Variants in TPST1 observed in about 807,000 individuals in gnomAD.
The protein encoded by TPST1 is protein-tyrosine sulfotransferase 1.
TPST1 carries 20 observed loss-of-function variants against 34.8 expected under a neutral mutation model. That is an observed-to-expected ratio of 0.57 (90% CI 0.40 to 0.84). The LOEUF is 0.84. TPST1 is among the 40% of genes least tolerant of loss of function. The pLI is 0.00. For missense variants in TPST1, 353 were observed against 455.5 expected, an observed-to-expected ratio of 0.78 and a Z score of 2.05; for synonymous variants, 152 against 159.4, an observed-to-expected ratio of 0.95 and a Z score of 0.35.
At chr7:66,215,323 G>A (rs4718325) in intron 1 of TPST1, among the ~76,000 whole-genome samples, 30,827 of 149,932 alleles carry the variant, frequency 0.21, 3,679 homozygotes, top group East Asian at 0.36. Context: ...CTCCCAAAGT[G>A]TTAGGATTAC....
intron 3 of TPST1, among the ~76,000 whole-genome samples, chr7:66,297,575 A>C (rs533909863): frequency 2.8e-4 from 42 of 152,328 alleles, no homozygotes; most frequent in African/African-American, 1.0e-3. Flanking sequence ...TATGAATGGA[A>C]TATTTAGTTG....
intron 1 of TPST1, among the ~76,000 whole-genome samples, chr7:66,206,915 G>T (rs893868162): frequency 2.6e-5 from 4 of 151,894 alleles, no homozygotes; most frequent in Non-Finnish European, 5.9e-5. Context: ...AGTGAGAGAG[G>T]AATTATCCAC....
intron 2 of TPST1, among the ~76,000 whole-genome samples, chr7:66,256,023 A>G (rs1396839696): frequency 6.6e-6 from 1 of 152,146 alleles, no homozygotes; most frequent in Non-Finnish European, 1.5e-5. Flanking sequence ...GTATTCATTA[A>G]TGATATTTTT....
chr7:66,313,307 C>A (rs1193592334), intron 3 of TPST1, among the ~76,000 whole-genome samples: 3 of 151,886 alleles, frequency 2.0e-5, no homozygotes, highest in Admixed American at 6.6e-5. Context: ...CCCAGCTACT[C>A]GGGAGGCTGA....
chr7:66,353,749 T>C (rs564308027), intron 4 of TPST1, among the ~76,000 whole-genome samples: 167 of 152,318 alleles, frequency 1.1e-3, no homozygotes, highest in African/African-American at 3.6e-3. Context: ...AGCTTGTCAA[T>C]AGGAAGAGGA....
At chr7:66,253,524 A>C (rs1353076094) in intron 2 of TPST1, among the ~76,000 whole-genome samples, 1 of 151,642 alleles carries the variant, frequency 6.6e-6, no homozygotes, top group Admixed American at 6.6e-5. Context: ...GGCGTGTGCC[A>C]CCATGCCTGG....
chr7:66,315,106 G>A (rs189677351), intron 3 of TPST1, among the ~76,000 whole-genome samples: 240 of 152,300 alleles, frequency 1.6e-3, no homozygotes, highest in African/African-American at 5.5e-3. Context: ...TATCTGTTAT[G>A]ATAATGAAAA....
intron 5 of TPST1, among the ~76,000 whole-genome samples, chr7:66,357,953 A>G (rs566650815): frequency 2.6e-5 from 4 of 152,274 alleles, no homozygotes; most frequent in Admixed American, 6.5e-5. Context: ...GTGTGGTGGC[A>G]GGGACCTGTA....
intron 3 of TPST1, among the ~76,000 whole-genome samples, chr7:66,294,370 A>T (rs1791148946): frequency 7.1e-6 from 1 of 141,158 alleles, no homozygotes; most frequent in South Asian, 2.1e-4. Flanking sequence ...ACAACCATAT[A>T]ACCGTATCAT....
the TPST1 span, among the ~76,000 whole-genome samples, chr7:66,200,249 C>G: frequency 6.6e-6 from 1 of 152,044 alleles, no homozygotes; most frequent in East Asian, 1.9e-4. Flanking sequence ...CAAAGGCTGA[C>G]CTAGAGGAGA....
chr7:66,198,887 C>T, the TPST1 span, among the ~76,000 whole-genome samples: 1 of 152,180 alleles, frequency 6.6e-6, no homozygotes, highest in Non-Finnish European at 1.5e-5. Flanking sequence ...CCTTAAATCC[C>T]TGTATCCCAG....
At chr7:66,279,474 G>T (rs1790889514) in intron 2 of TPST1, among the ~76,000 whole-genome samples, 1 of 152,170 alleles carries the variant, frequency 6.6e-6, no homozygotes, top group Admixed American at 6.5e-5. Flanking sequence ...TCTAATGGTA[G>T]TTCTGAGTTC....
chr7:66,264,895 T>TAAACA (rs928845652), intron 2 of TPST1, among the ~76,000 whole-genome samples: 9 of 152,000 alleles, frequency 5.9e-5, no homozygotes, highest in East Asian at 3.9e-4. Context: ...AACCATATCT[T>TAAACA]AAACAAAACA....
At chr7:66,300,574 A>C (rs1012919446) in intron 3 of TPST1, among the ~76,000 whole-genome samples, 2 of 152,214 alleles carry the variant, frequency 1.3e-5, no homozygotes, top group African/African-American at 4.8e-5. Context: ...GAAGGTTTGC[A>C]GTTGACTTTG....
intron 3 of TPST1, among the ~76,000 whole-genome samples, chr7:66,333,766 C>A (rs751477996): frequency 6.6e-5 from 10 of 152,146 alleles, no homozygotes; most frequent in Non-Finnish European, 1.5e-4. Flanking sequence ...AGCCACAAGT[C>A]CCCTGGACCT....
upstream of TPST1, among the ~76,000 whole-genome samples, chr7:66,201,988 G>T (rs1421699963): frequency 6.6e-6 from 1 of 151,842 alleles, no homozygotes; most frequent in East Asian, 1.9e-4. Context: ...CCCTCCCAGA[G>T]ACAACACTGT....
At chr7:66,331,242 C>CT (rs1271634036) in intron 3 of TPST1, among the ~76,000 whole-genome samples, 3 of 152,164 alleles carry the variant, frequency 2.0e-5, no homozygotes, top group Non-Finnish European at 4.4e-5. Flanking sequence ...AGATAACAGA[C>CT]TTTTTGTAAC....
At chr7:66,236,946 C>T (rs536177977) in intron 1 of TPST1, among the ~76,000 whole-genome samples, 1 of 152,332 alleles carries the variant, frequency 6.6e-6, no homozygotes, top group East Asian at 1.9e-4. Flanking sequence ...CATTTGTCCT[C>T]TGCCAGTAGA....
rs3060053 is a variant in TPST1 at position 66,327,740 on chromosome 7, C to CGTGT, written c.1045-24754_1045-24751dup. Among the ~76,000 whole-genome samples the CGTGT allele has an allele frequency of 6.3e-3, 933 of 147,398 alleles. 8 individuals are homozygous for CGTGT. The highest frequency in any genetic ancestry group is 0.02 in the African/African-American group (785 of 40,054). On this transcript the variant is annotated intron_variant, in intron 3 of 5. Transcript: ENST00000304842. ...CCTGTCTTAAAAAAAAAAAAAAGTG[C>CGTGT]GTGTGTGTGTGTGTATGTACGTTGA...
Sources: gnomAD v4.1 joint callset for allele counts (sites outside exome capture counted in the v4.1 genomes callset) on GRCh38, gnomAD v4.1.1 for gene constraint, MANE v1.5 for transcripts, NCBI Gene and HGNC (gene_info 2026-07-23, HGNC 2026-07-21) for gene names.